MACROD1: variants seen among roughly 807,000 people sequenced by gnomAD.
The protein encoded by MACROD1 is ADP-ribose glycohydrolase MACROD1.
Under a neutral mutation model 41.4 loss-of-function variants are expected in MACROD1, and 31 were observed. That is an observed-to-expected ratio of 0.75 (90% confidence interval 0.56 to 1.01). The LOEUF (loss-of-function observed/expected upper bound fraction) is 1.01, where lower values mean the gene tolerates loss of function less well. Ranked by LOEUF, MACROD1 falls within the 50% of genes least tolerant of loss-of-function variation. MACROD1 has a pLI of 0.00. For synonymous variants in MACROD1, 252 were observed against 203.4 expected, an observed-to-expected ratio of 1.24 and a Z score of -2.03; for missense variants, 473 against 460.0, an observed-to-expected ratio of 1.03 and a Z score of -0.26.
intron 3 of MACROD1, among the ~76,000 whole-genome samples, chr11:64,114,563 GGATGGAT>G (rs1944939407): frequency 6.7e-6 from 1 of 148,912 alleles, no homozygotes; most frequent in Admixed American, 6.7e-5. Flanking sequence ...ATGGATGGAT[GGATGGAT>G]GGACAGGTAG....
intron 3 of MACROD1, among the ~76,000 whole-genome samples, chr11:64,066,158 A>ATG (rs1944001574): frequency 2.0e-5 from 3 of 151,818 alleles, no homozygotes; most frequent in African/African-American, 7.3e-5. Context: ...TTAGCTGGGC[A>ATG]TGGTGGTGGG....
At chr11:64,034,935 G>A (rs866408812) in intron 3 of MACROD1, among the ~76,000 whole-genome samples, 2 of 152,234 alleles carry the variant, frequency 1.3e-5, no homozygotes, top group South Asian at 2.1e-4. Flanking sequence ...AAGAGCACGG[G>A]GACTTTCAGG....
At chr11:64,035,684 C>A (rs1468206775) in intron 3 of MACROD1, among the ~76,000 whole-genome samples, 1 of 38,738 alleles carries the variant, frequency 2.6e-5, no homozygotes. Context: ...CGCCGGGTCC[C>A]GCCGGCCAGT....
At chr11:64,048,958 A>G (rs930846948) in intron 3 of MACROD1, among the ~76,000 whole-genome samples, 5 of 147,584 alleles carry the variant, frequency 3.4e-5, no homozygotes, top group Non-Finnish European at 1.5e-5. Context: ...AGAGCCTGTC[A>G]TCCCATTTTA....
At chr11:64,043,593 G>A (rs1943529724) in intron 3 of MACROD1, among the ~76,000 whole-genome samples, 1 of 152,204 alleles carries the variant, frequency 6.6e-6, no homozygotes, top group African/African-American at 2.4e-5. Flanking sequence ...GAAAGGGAAA[G>A]CATGGGGCTC....
At chr11:64,087,970 G>C (rs1224030753) in intron 3 of MACROD1, among the ~76,000 whole-genome samples, 1 of 152,174 alleles carries the variant, frequency 6.6e-6, no homozygotes, top group Non-Finnish European at 1.5e-5. Flanking sequence ...GCTGTTCGAG[G>C]GGCCAGAGCT....
intron 1 of MACROD1, among the ~76,000 whole-genome samples, chr11:64,161,616 G>A (rs1316183510): frequency 1.3e-5 from 2 of 152,214 alleles, no homozygotes; most frequent in Non-Finnish European, 2.9e-5. Context: ...CAGCCCCCCA[G>A]ATCTCCCATA....
Position 64,015,271 on chromosome 11 carries a change from G to A in MACROD1, c.528C>T (p.Ser176=), listed in dbSNP as rs760726521. 1.6e-5 allele frequency: 25 copies of A among 1,606,768 alleles called. No homozygotes were observed. The highest frequency in any genetic ancestry group is 1.6e-4 in the Middle Eastern group (1 of 6,064). ...VDAIVNAANS[S]LLGGGGVDGC... ...ACTCACCGCCACCGCCTCCGAGCAGGGAGCTGTTGGCTGCAAGAGAGAGAG... is the reference window on the plus strand; with the variant it reads ...ACTCACCGCCACCGCCTCCGAGCAGAGAGCTGTTGGCTGCAAGAGAGAGAG... The change falls in exon 4 of 11, where the codon TCC becomes TCT. Residue 176 remains serine, a synonymous_variant. Transcript: ENST00000255681.
intron 3 of MACROD1, among the ~76,000 whole-genome samples, chr11:64,059,892 G>A (rs1049744871): frequency 2.0e-5 from 3 of 152,172 alleles, no homozygotes; most frequent in Non-Finnish European, 4.4e-5. Context: ...TGAAGGCCGA[G>A]GAGGCGAGGC....
At chr11:64,099,307 C>T (rs1017251903) in intron 3 of MACROD1, among the ~76,000 whole-genome samples, 6 of 152,264 alleles carry the variant, frequency 3.9e-5, no homozygotes, top group Non-Finnish European at 8.8e-5. Flanking sequence ...CCTCTGAAAA[C>T]CAATGCCCTC....
intron 2 of MACROD1, 88 bp from the exon 3 acceptor site, chr11:64,151,443 A>T: frequency 1.1e-6 from 1 of 935,316 alleles, no homozygotes. Flanking sequence ...GGCCTTCCCT[A>T]TCGACCTCCC....
intron 3 of MACROD1, among the ~76,000 whole-genome samples, chr11:64,144,655 G>T (rs1945466353): frequency 6.6e-6 from 1 of 152,090 alleles, no homozygotes; most frequent in South Asian, 2.1e-4. Flanking sequence ...TCCCCGAGGA[G>T]GAGGGAGCCC....
At chr11:64,054,465 G>A (rs775405289) in intron 3 of MACROD1, among the ~76,000 whole-genome samples, 58 of 152,080 alleles carry the variant, frequency 3.8e-4, no homozygotes, top group Non-Finnish European at 1.0e-4. Context: ...CAACAAAGTG[G>A]GTGCTGGGTT....
intron 3 of MACROD1, among the ~76,000 whole-genome samples, chr11:64,108,016 G>T (rs181908460): frequency 1.3e-5 from 2 of 152,266 alleles, no homozygotes; most frequent in East Asian, 3.9e-4. Context: ...AAAAGCCCAG[G>T]GAAGTAGATC....
At chr11:64,109,344 C>A (rs1944819731) in intron 3 of MACROD1, among the ~76,000 whole-genome samples, 1 of 152,132 alleles carries the variant, frequency 6.6e-6, no homozygotes, top group Non-Finnish European at 1.5e-5. Context: ...AAAGGCTTTG[C>A]AGTTGGGTGT....
intron 3 of MACROD1, among the ~76,000 whole-genome samples, chr11:64,126,585 C>T (rs55766785): frequency 1.0e-3 from 154 of 152,086 alleles, no homozygotes; most frequent in African/African-American, 3.6e-3. Context: ...TATGTGGTGT[C>T]GTAAAGCATT....
At chr11:64,141,128 C>T (rs919093412) in intron 3 of MACROD1, among the ~76,000 whole-genome samples, 3 of 152,154 alleles carry the variant, frequency 2.0e-5, no homozygotes, top group African/African-American at 7.2e-5. Context: ...GAGCAAGACC[C>T]TATCTTTAAG....
At chr11:64,079,550 C>T (rs183031956) in intron 3 of MACROD1, among the ~76,000 whole-genome samples, 144 of 152,280 alleles carry the variant, frequency 9.5e-4, no homozygotes, top group African/African-American at 3.3e-3. Context: ...GTGAGAGAGA[C>T]CGCAGCCGCC....
chr11:64,066,865 G>A (rs1038185901), intron 3 of MACROD1, among the ~76,000 whole-genome samples: 1 of 152,190 alleles, frequency 6.6e-6, no homozygotes. Flanking sequence ...CCAAGGTCAG[G>A]CTGCTGGAAG....
Sources: gnomAD v4.1 joint callset for allele counts (sites outside exome capture counted in the v4.1 genomes callset) on GRCh38, gnomAD v4.1.1 for gene constraint, MANE v1.5 for transcripts, NCBI Gene and HGNC (gene_info 2026-07-23, HGNC 2026-07-21) for gene names.